Variants in GLIS3 observed in about 807,000 individuals in gnomAD.
GLIS3 encodes the protein zinc finger protein GLIS3.
GLIS3 carries 53 observed loss-of-function variants against 78.6 expected under a neutral mutation model. That is an observed-to-expected ratio of 0.67 (90% CI 0.54 to 0.85). The LOEUF (loss-of-function observed/expected upper bound fraction) is 0.85, where lower values mean the gene tolerates loss of function less well. Among genes scored for constraint, GLIS3 ranks in the 40% least tolerant of loss-of-function variants. The pLI, the probability that GLIS3 is intolerant of heterozygous loss-of-function variation, is 0.00. For synonymous variants in GLIS3, 684 were observed against 509.9 expected (o/e 1.34, Z -4.60); for missense variants, 1,703 against 1,231.1 (o/e 1.38, Z -5.74).
rs771158269 is a variant in GLIS3 at position 3,828,373 on chromosome 9, C to T, written c.2692G>A (p.Gly898Arg). Residue 898 changes from glycine (G) to arginine (R), a missense_variant, in exon 11 of 11, where the codon GGG (glycine) becomes AGG (arginine). Gly to Arg is a moderately radical substitution (Grantham distance 125). Coordinates refer to ENST00000381971, the MANE Select transcript of GLIS3 (RefSeq NM_001042413.2). ...TCAGCCCCGCTGCGGAGAGACTCCC[C>T]AAAGAGGCTCGAGGAACTTGAAGGT... ...DLPSSSSSLF[G>R]ESLRSGAEDA... 5.6e-6 allele frequency: 9 copies of T among 1,613,548 alleles called. No individual in the cohort carries two copies. The highest frequency in any genetic ancestry group is 4.4e-5 in the South Asian group (4 of 91,070).
the GLIS3 span, among the ~76,000 whole-genome samples, chr9:4,364,924 C>T: frequency 1.1e-4 from 17 of 152,144 alleles, no homozygotes; most frequent in East Asian, 2.9e-3. Flanking sequence ...GCCAGAACTA[C>T]AGGTGTCTGC....
At chr9:3,915,238 C>G (rs1373387343) in intron 6 of GLIS3, among the ~76,000 whole-genome samples, 2 of 152,112 alleles carry the variant, frequency 1.3e-5, no homozygotes, top group Non-Finnish European at 2.9e-5. Context: ...ACCATTCTGT[C>G]TTTCTTCTTA....
intron 4 of GLIS3, among the ~76,000 whole-genome samples, chr9:3,983,405 C>G (rs1819465627): frequency 1.3e-5 from 2 of 152,194 alleles, no homozygotes; most frequent in South Asian, 4.2e-4. Context: ...AAATTGGTAC[C>G]AGCAGAGGGG....
At chr9:3,913,592 C>A (rs1052514662) in intron 6 of GLIS3, among the ~76,000 whole-genome samples, 3 of 152,188 alleles carry the variant, frequency 2.0e-5, no homozygotes, top group African/African-American at 7.2e-5. Context: ...CTGGACTCTA[C>A]GTATCTACAA....
chr9:3,941,019 C>G (rs1378323038), intron 4 of GLIS3, among the ~76,000 whole-genome samples: 2 of 152,050 alleles, frequency 1.3e-5, no homozygotes, highest in Non-Finnish European at 2.9e-5. Context: ...TTCTCTGACC[C>G]CAGAATCAGA....
chr9:4,242,691 C>T (rs577098424), intron 2 of GLIS3, among the ~76,000 whole-genome samples: 2 of 152,250 alleles, frequency 1.3e-5, no homozygotes, highest in East Asian at 1.9e-4. Flanking sequence ...GGCCACTGGG[C>T]ACTTGAAATA....
In GLIS3 at chr9:4,126,857, C is replaced by A. The variant is rs182783295; in HGVS notation, c.389-916G>T. Among the ~76,000 whole-genome samples, 6 of 152,166 alleles carry A rather than the reference C, an allele frequency of 3.9e-5. No homozygotes were observed. The East Asian group carries it at 1.2e-3, about 29-fold the overall frequency. Reference sequence around the variant, plus strand: ...CATTTCTAGCAAACAAAAATATATACGATCTCAATCTTTAACAAATTAAGC... The same window carrying A: ...CATTTCTAGCAAACAAAAATATATAAGATCTCAATCTTTAACAAATTAAGC... On this transcript the variant is annotated intron_variant, in intron 2 of 10. Coordinates refer to ENST00000381971, the MANE Select transcript of GLIS3 (RefSeq NM_001042413.2).
chr9:4,250,306 C>G (rs1824240108), intron 2 of GLIS3, among the ~76,000 whole-genome samples: 1 of 152,098 alleles, frequency 6.6e-6, no homozygotes. Flanking sequence ...TGTTATTGAC[C>G]TACTCAGGTA....
At chr9:4,085,857 G>A (rs113023132) in intron 4 of GLIS3, among the ~76,000 whole-genome samples, 2 of 152,106 alleles carry the variant, frequency 1.3e-5, no homozygotes, top group African/African-American at 4.8e-5. Flanking sequence ...ACTTCCTGAG[G>A]CCTCCACAGA....
chr9:4,091,661 C>T (rs1467268964), intron 4 of GLIS3, among the ~76,000 whole-genome samples: 3 of 152,044 alleles, frequency 2.0e-5, no homozygotes. Context: ...TGGCGAGCAT[C>T]CCCCTTCGCT....
chr9:4,278,853 A>C (rs1827260576), intron 2 of GLIS3, among the ~76,000 whole-genome samples: 1 of 152,244 alleles, frequency 6.6e-6, no homozygotes, highest in African/African-American at 2.4e-5. Flanking sequence ...TACTAGGATG[A>C]AGCAGCATTC....
At chr9:4,424,644 G>C in the GLIS3 span, among the ~76,000 whole-genome samples, 248 of 152,206 alleles carry the variant, frequency 1.6e-3, no homozygotes, top group African/African-American at 5.7e-3. Context: ...CCTCACTACA[G>C]CCTCAAACTC....
rs150138029 is a variant in GLIS3 at position 3,863,447 on chromosome 9, A to G, written c.2298-7263T>C. 4.2e-3 allele frequency among the ~76,000 whole-genome samples: 640 copies of G among 152,354 alleles called. 6 individuals are homozygous for G. Among genetic ancestry groups the G allele is most frequent in the African/African-American group, 0.015 (634 of 41,578 alleles). On this transcript the variant is annotated intron_variant, in intron 8 of 10. Coordinates refer to ENST00000381971, the MANE Select transcript of GLIS3 (RefSeq NM_001042413.2). ...CTGTCCACTGGGGCAGGACTGGGGCAGGGCAAGAGCTGTGTGTCCGTCTGA... is the reference window on the plus strand; with the variant it reads ...CTGTCCACTGGGGCAGGACTGGGGCGGGGCAAGAGCTGTGTGTCCGTCTGA...
chr9:3,920,073 G>T (rs1345917710), intron 6 of GLIS3, among the ~76,000 whole-genome samples: 1 of 148,784 alleles, frequency 6.7e-6, no homozygotes, highest in Admixed American at 6.7e-5. Flanking sequence ...GCACGGTCTC[G>T]GCTCACTGCA....
At chr9:4,259,499 C>T (rs1294449977) in intron 2 of GLIS3, among the ~76,000 whole-genome samples, 1 of 152,020 alleles carries the variant, frequency 6.6e-6, no homozygotes, top group Admixed American at 6.6e-5. Context: ...TTTAAGTTGA[C>T]TATATTCTTA....
chr9:4,328,647 C>CAG lies in GLIS3; in HGVS notation n.265-18121_265-18120dup, dbSNP rs1313822973. ...AGAAGCAAGGAAGTCGTCCTGAAGC[C>CAG]AGAGAGCCTGGGCTGGAATCTTGCT... On this transcript the variant is annotated intron_variant and non_coding_transcript_variant, in intron 2 of 4. Coordinates refer to the GLIS3 transcript ENST00000471664. Among the ~76,000 whole-genome samples, 4 of 152,230 alleles carry CAG rather than the reference C, an allele frequency of 2.6e-5. No homozygotes were observed. The East Asian group carries it at 7.7e-4, about 29-fold the overall frequency.
the GLIS3 span, among the ~76,000 whole-genome samples, chr9:4,373,444 G>A: frequency 1.3e-5 from 2 of 152,192 alleles, no homozygotes; most frequent in African/African-American, 2.4e-5. Context: ...TTCTGATAGA[G>A]TTGATCCACA....
At chr9:4,428,638 T>A in the GLIS3 span, among the ~76,000 whole-genome samples, 1 of 152,134 alleles carries the variant, frequency 6.6e-6, no homozygotes, top group Non-Finnish European at 1.5e-5. Flanking sequence ...CCCACAAGTC[T>A]GGGGCCTTAA....
the GLIS3 span, among the ~76,000 whole-genome samples, chr9:4,420,357 T>A: frequency 1.3e-5 from 2 of 152,180 alleles, no homozygotes; most frequent in Non-Finnish European, 2.9e-5. Context: ...GAGTATCTTA[T>A]CTGAGACCAT....
Sources: gnomAD v4.1 joint callset for allele counts (sites outside exome capture counted in the v4.1 genomes callset) on GRCh38, gnomAD v4.1.1 for gene constraint, MANE v1.5 for transcripts, NCBI Gene and HGNC (gene_info 2026-07-23, HGNC 2026-07-21) for gene names.